Variants in SLC12A9 observed in about 807,000 individuals in gnomAD.
SLC12A9 encodes CCC-interacting protein 1.
A neutral mutation model predicts 66.0 loss-of-function variants in SLC12A9; 55 were observed. The observed-to-expected ratio is 0.83, with a 90% CI of 0.67 to 1.04. The LOEUF is 1.04. Among genes scored for constraint, SLC12A9 ranks in the 50% least tolerant of loss-of-function variants. The pLI is 0.00. For synonymous variants in SLC12A9, 577 were observed against 569.0 expected, an observed-to-expected ratio of 1.01 and a Z score of -0.20; for missense variants, 1,061 against 1,241.9, an observed-to-expected ratio of 0.85 and a Z score of 2.19.
At chr7:100,837,004 G>A (rs1215505358) in intron 1 of SLC12A9, among the ~76,000 whole-genome samples, 1 of 152,162 alleles carries the variant, frequency 6.6e-6, no homozygotes, top group Non-Finnish European at 1.5e-5. Flanking sequence ...CCCTAGAATT[G>A]AGGGCTGGGG....
chr7:100,856,921 C>G lies in SLC12A9; in HGVS notation c.502C>G (p.Leu168Val). 6.2e-7 allele frequency: 1 copy of G among 1,612,064 alleles called. No homozygotes were observed. Among genetic ancestry groups the G allele is most frequent in the Non-Finnish European group, 8.5e-7 (1 of 1,179,946 alleles). ...RVLPQGYGWN[L>V]LYGSLLLGLV... Reference sequence around the variant, plus strand: ...CCTGCCCCAGGGCTACGGCTGGAACCTGCTGTATGGCTCCCTGCTGCTGGG... The same window carrying G: ...CCTGCCCCAGGGCTACGGCTGGAACGTGCTGTATGGCTCCCTGCTGCTGGG... Residue 168 changes from leucine (L) to valine (V), a missense_variant, in exon 5 of 14, where the codon CTG becomes GTG. Coordinates refer to ENST00000354161, the MANE Select transcript of SLC12A9 (RefSeq NM_020246.4).
At chr7:100,833,530 G>C (rs1479416474) in intron 1 of SLC12A9, among the ~76,000 whole-genome samples, 1 of 151,768 alleles carries the variant, frequency 6.6e-6, no homozygotes, top group Non-Finnish European at 1.5e-5. Context: ...AAACAGACAA[G>C]GTATGGTGGC....
At position 100,865,838 on chromosome 7, in the gene SLC12A9, C is replaced by T; in HGVS notation, c.1978C>T (p.Pro660Ser). 6.2e-7 allele frequency: 1 copy of T among 1,613,874 alleles called. No individual in the cohort carries two copies. The highest frequency in any genetic ancestry group is 1.1e-5 in the South Asian group (1 of 91,088). The stretch of plus-strand genomic sequence containing the variant: ...AGACAGCACCAGGGAGGGCAGTTCC[C>T]CAGCTCTGAGCACCCTGTTCCCTCC... ...PADSTREGSS[P>S]ALSTLFPPPR... The change falls in exon 14 of 14, where the codon CCA (proline) becomes TCA (serine). Residue 660 changes from proline (P) to serine (S), a missense_variant. Coordinates refer to ENST00000354161, the MANE Select transcript of SLC12A9 (RefSeq NM_020246.4).
At chr7:100,839,377 G>C (rs190473177) in intron 1 of SLC12A9, among the ~76,000 whole-genome samples, 289 of 152,158 alleles carry the variant, frequency 1.9e-3, no homozygotes, top group African/African-American at 6.5e-3. Context: ...CTTGAGACAG[G>C]AGTCTTGCTG....
intron 1 of SLC12A9, among the ~76,000 whole-genome samples, chr7:100,830,439 T>C (rs1326334196): frequency 6.6e-6 from 1 of 151,980 alleles, no homozygotes; most frequent in Non-Finnish European, 1.5e-5. Context: ...TTTTGGAGGC[T>C]GAGATGAGAG....
In SLC12A9 at chr7:100,861,389, C is replaced by T; in HGVS notation, c.1344-3C>T. ...CTGTCCCTCCTCCCCTCCATGCCCG[C>T]AGCCCCACCTTCAGCCTGTTCTCCT... On this transcript the variant is annotated splice_region_variant and splice_polypyrimidine_tract_variant and intron_variant, in intron 10 of 13. Transcript: ENST00000354161. This position sits in a 1 kb window ranked among gnomAD's most constrained non-coding sequence, Gnocchi z 5.3. 3.1e-6 allele frequency: 5 copies of T among 1,613,138 alleles called. No homozygotes were observed. The highest frequency in any genetic ancestry group is 4.2e-6 in the Non-Finnish European group (5 of 1,179,528).
intron 1 of SLC12A9, among the ~76,000 whole-genome samples, chr7:100,841,630 T>A (rs1471955711): frequency 6.6e-6 from 1 of 152,070 alleles, no homozygotes; most frequent in East Asian, 1.9e-4. Flanking sequence ...GTCTATAAAA[T>A]CTTACCTTAT....
At chr7:100,856,835 G>A (rs751119129) in intron 4 of SLC12A9, 33 bp from the exon 5 acceptor site, 6 of 1,533,542 alleles carry the variant, frequency 3.9e-6, no homozygotes, top group Admixed American at 3.9e-5. Flanking sequence ...CCTTAGGATC[G>A]GGCCTTCTAA....
intron 1 of SLC12A9, among the ~76,000 whole-genome samples, chr7:100,836,398 G>C (rs1008790223): frequency 2.6e-5 from 4 of 152,094 alleles, no homozygotes; most frequent in Non-Finnish European, 5.9e-5. Flanking sequence ...CAGAGGAGAT[G>C]ACGCAGGGCC....
rs1194955935 is a variant in SLC12A9 at position 100,865,982 on chromosome 7, C to A, written c.2122C>A (p.Pro708Thr). The A allele has an allele frequency of 6.2e-7, 1 of 1,612,878 alleles. No individual in the cohort carries two copies. The highest frequency in any genetic ancestry group is 1.1e-5 in the South Asian group (1 of 91,052). ...VLARASGALP[P>T]ERLSRGSGGT... ...GGCCCGGGCCAGCGGGGCCTTGCCC[C>A]CTGAGCGGCTGAGCCGGGGGTCTGG... The change falls in exon 14 of 14, where the codon CCT (proline) becomes ACT (threonine). Residue 708 changes from proline to threonine, a missense_variant. Physicochemically the swap from Pro to Thr is conservative, Grantham distance 38. Coordinates refer to ENST00000354161, the MANE Select transcript of SLC12A9 (RefSeq NM_020246.4).
chr7:100,859,433 C>T (rs1218884101), intron 7 of SLC12A9: 2 of 463,686 alleles, frequency 4.3e-6, no homozygotes, highest in Non-Finnish European at 7.8e-6. Context: ...TTAGGTATGA[C>T]AGCCGGGTGC....
upstream of SLC12A9, among the ~76,000 whole-genome samples, chr7:100,851,206 C>G (rs564723985): frequency 2.0e-5 from 3 of 152,056 alleles, no homozygotes; most frequent in African/African-American, 7.2e-5. Context: ...TAAAGTCTGA[C>G]TTACTGTTTT....
Position 100,859,070 on chromosome 7 carries a change from C to T in SLC12A9, c.886C>T (p.Arg296Trp), listed in dbSNP as rs778678228. 1.2e-5 allele frequency: 20 copies of T among 1,613,632 alleles called. No individual in the cohort carries two copies. The highest frequency in any genetic ancestry group is 3.3e-5 in the Admixed American group (2 of 59,996). Residue 296 changes from arginine (R) to tryptophan (W), a missense_variant, in exon 7 of 14, where the codon CGG becomes TGG. Physicochemically the swap from Arg to Trp is moderately radical, Grantham distance 101. Coordinates refer to ENST00000354161, the MANE Select transcript of SLC12A9 (RefSeq NM_020246.4). ...TCCAGGGGAGCTGAAGGACCCCAGC[C>T]GGGCGATCCCTCTGGGCACGATCGT... ...NMSGELKDPSRAIPLGTIVAV... is the reference protein window; with the variant it reads ...NMSGELKDPSWAIPLGTIVAV...
In SLC12A9 at chr7:100,865,961, C is replaced by T. The variant is rs767952877; in HGVS notation, c.2101C>T (p.Arg701Trp). 3.5e-5 allele frequency: 57 copies of T among 1,612,924 alleles called. No homozygotes were observed. Among genetic ancestry groups the T allele is most frequent in the Non-Finnish European group, 4.1e-5 (48 of 1,179,918 alleles). The change falls in exon 14 of 14, where the codon CGG becomes TGG. Residue 701 changes from arginine to tryptophan, a missense_variant. By Grantham distance (101) the Arg-to-Trp change is moderately radical. Coordinates refer to ENST00000354161, the MANE Select transcript of SLC12A9 (RefSeq NM_020246.4). ...LKMNKNVVLARASGALPPERL... is the reference protein window; with the variant it reads ...LKMNKNVVLAWASGALPPERL... ...GATGAACAAGAATGTGGTGCTGGCC[C>T]GGGCCAGCGGGGCCTTGCCCCCTGA...
chr7:100,861,862 T>A lies in SLC12A9; in HGVS notation c.1662T>A (p.Leu554=). 1 of 1,613,582 alleles carries A rather than the reference T, an allele frequency of 6.2e-7. No individual in the cohort carries two copies. Among genetic ancestry groups the A allele is most frequent in the Non-Finnish European group, 8.5e-7 (1 of 1,179,836 alleles). The part of the protein sequence containing the change: ...ALPLLRLANQ[L]KKGGLYVLGH... ...CTCTGCTGCGGTTGGCCAACCAGCT[T>A]AAGAAGGGGGGGCTGTATGTGCTGG... Residue 554 remains leucine (L), a synonymous_variant, in exon 12 of 14, where the codon CTT becomes CTA. Transcript: ENST00000354161. This position sits in a 1 kb window ranked among gnomAD's most constrained non-coding sequence, Gnocchi z 5.3.
chr7:100,849,714 T>TAAA (rs1274563151), upstream of SLC12A9, among the ~76,000 whole-genome samples: 1 of 136,274 alleles, frequency 7.3e-6, no homozygotes, highest in Non-Finnish European at 1.6e-5. Flanking sequence ...AGACTCTGTC[T>TAAA]AAAAAAAAAA....
At chr7:100,862,895 C>A (rs745996543) in intron 13 of SLC12A9, 68 bp downstream of exon 13, 3 of 1,587,158 alleles carry the variant, frequency 1.9e-6, no homozygotes, top group Non-Finnish European at 2.6e-6. Context: ...GCTCCCCTCC[C>A]CTAGAGAGTC....
chr7:100,863,875 G>T (rs766381288), intron 13 of SLC12A9, among the ~76,000 whole-genome samples: 1 of 151,280 alleles, frequency 6.6e-6, no homozygotes, highest in African/African-American at 2.5e-5. Context: ...ATACTGAGGA[G>T]GGGGCATGAC....
chr7:100,857,398 G>A (rs1473427524), intron 5 of SLC12A9: 7 of 586,354 alleles, frequency 1.2e-5, no homozygotes, highest in Non-Finnish European at 1.8e-5. Context: ...AGGAACTTGT[G>A]TTCTAGCTGA....
Sources: gnomAD v4.1 joint callset for allele counts (sites outside exome capture counted in the v4.1 genomes callset) on GRCh38, gnomAD v4.1.1 for gene constraint, Gnocchi (gnomAD v3.1) non-coding constraint, MANE v1.5 for transcripts, NCBI Gene and HGNC (gene_info 2026-07-23, HGNC 2026-07-21) for gene names.